ADGRL3: variants seen among roughly 807,000 people sequenced by gnomAD.
ADGRL3 encodes the protein adhesion G protein-coupled receptor L3.
A neutral mutation model predicts 153.5 loss-of-function variants in ADGRL3; 62 were observed. That is an observed-to-expected ratio of 0.40 (90% CI 0.33 to 0.50). ADGRL3 has a LOEUF of 0.50. Among genes scored for constraint, ADGRL3 ranks in the 20% least tolerant of loss-of-function variants. ADGRL3 has a pLI of 0.47. For missense variants in ADGRL3, 1,641 were observed against 1,859.4 expected, an observed-to-expected ratio of 0.88 and a Z score of 2.16; for synonymous variants, 710 against 672.5, an observed-to-expected ratio of 1.06 and a Z score of -0.86.
chr4:61,214,446 G>C (rs1184132169), intron 1 of ADGRL3, among the ~76,000 whole-genome samples: 1 of 152,146 alleles, frequency 6.6e-6, no homozygotes, highest in African/African-American at 2.4e-5. Context: ...TGGTGGTTTG[G>C]ATTATTGTTC....
At chr4:61,277,859 T>C (rs1171151551) in intron 1 of ADGRL3, among the ~76,000 whole-genome samples, 1 of 152,198 alleles carries the variant, frequency 6.6e-6, no homozygotes, top group African/African-American at 2.4e-5. Flanking sequence ...ATATTAGACC[T>C]AGCAATGTAA....
chr4:62,062,221 T>G (rs2151868960), intron 25 of ADGRL3, among the ~76,000 whole-genome samples: 1 of 152,194 alleles, frequency 6.6e-6, no homozygotes, highest in Non-Finnish European at 1.5e-5. Context: ...TTCATAAGAT[T>G]ATTTGCCACT....
At chr4:62,048,068 C>T (rs1292567684) in intron 25 of ADGRL3, among the ~76,000 whole-genome samples, 2 of 152,016 alleles carry the variant, frequency 1.3e-5, no homozygotes, top group African/African-American at 4.8e-5. Context: ...GTGTAGTCAG[C>T]ACTCAATCCT....
rs895140158 is a variant in ADGRL3, at chr4:61,789,496, G to A, written c.1400-24313G>A. Among the ~76,000 whole-genome samples, 7 of 152,078 alleles carry A rather than the reference G, an allele frequency of 4.6e-5. No individual in the cohort carries two copies. In the South Asian group the frequency reaches 1.2e-3, roughly 27 times the overall value. ...ATATATTGGCAATTATATGCAAGAAGCTTATTTTTAAGATTTACTTTTTCT... is the reference window on the plus strand; with the variant it reads ...ATATATTGGCAATTATATGCAAGAAACTTATTTTTAAGATTTACTTTTTCT... On this transcript the variant is annotated intron_variant, in intron 8 of 26. Coordinates refer to ENST00000683033, the MANE Select transcript of ADGRL3 (RefSeq NM_001387552.1).
chr4:61,754,969 A>G (rs932072504), intron 8 of ADGRL3, among the ~76,000 whole-genome samples: 4 of 152,164 alleles, frequency 2.6e-5, no homozygotes, highest in Admixed American at 2.0e-4. Context: ...TTATGGCTGC[A>G]TAGTATTCCA....
chr4:61,548,367 C>A (rs1011466616), intron 4 of ADGRL3, among the ~76,000 whole-genome samples: 1 of 151,922 alleles, frequency 6.6e-6, no homozygotes, highest in South Asian at 2.1e-4. Context: ...GGCCTGTGTC[C>A]GCAATGATAT....
chr4:61,851,050 TTTGAATTAA>T (rs1317314035), intron 9 of ADGRL3, among the ~76,000 whole-genome samples: 8 of 152,004 alleles, frequency 5.3e-5, no homozygotes, highest in African/African-American at 1.9e-4. Flanking sequence ...CCTGCTGAAA[TTTGAATTAA>T]TTGCCTCATA....
chr4:61,213,780 T>C (rs542633665), intron 1 of ADGRL3, among the ~76,000 whole-genome samples: 1 of 152,308 alleles, frequency 6.6e-6, no homozygotes, highest in African/African-American at 2.4e-5. Flanking sequence ...CTTATTCATG[T>C]GGGTTGTCAT....
intron 6 of ADGRL3, among the ~76,000 whole-genome samples, chr4:61,710,238 G>T (rs1429256969): frequency 6.6e-6 from 1 of 152,108 alleles, no homozygotes; most frequent in Admixed American, 6.6e-5. Context: ...ATTTGTAAAA[G>T]AAATATTATT....
intron 1 of ADGRL3, among the ~76,000 whole-genome samples, chr4:61,269,123 A>T (rs2093015414): frequency 6.6e-6 from 1 of 151,610 alleles, no homozygotes; most frequent in South Asian, 2.1e-4. Context: ...CTGATAAGAG[A>T]CTCTGCAGTA....
At chr4:61,733,988 A>G (rs184610938) in intron 8 of ADGRL3, among the ~76,000 whole-genome samples, 1 of 152,332 alleles carries the variant, frequency 6.6e-6, no homozygotes, top group East Asian at 1.9e-4. Flanking sequence ...CAATGTAGTC[A>G]TCTCACAGAG....
At chr4:61,677,796 T>G (rs1441380869) in intron 6 of ADGRL3, among the ~76,000 whole-genome samples, 1 of 152,030 alleles carries the variant, frequency 6.6e-6, no homozygotes, top group Non-Finnish European at 1.5e-5. Flanking sequence ...TCAGCAAGTT[T>G]GCGTTTGTAA....
At chr4:61,921,231 A>G (rs1321576110) in intron 13 of ADGRL3, among the ~76,000 whole-genome samples, 1 of 152,112 alleles carries the variant, frequency 6.6e-6, no homozygotes, top group Non-Finnish European at 1.5e-5. Context: ...GACACATGGT[A>G]TAAAATTCAA....
chr4:61,702,261 A>G (rs1005480652), intron 6 of ADGRL3, among the ~76,000 whole-genome samples: 9 of 152,174 alleles, frequency 5.9e-5, no homozygotes, highest in African/African-American at 1.7e-4. Context: ...TGCTCTCAAA[A>G]TAAGCTACTC....
rs563782424 is a variant in ADGRL3, at chr4:61,814,192, CT to C, written c.1480+309del. ...TTAGAAATTACCAGATAACCGTTAA[CT>C]TTTTTACTGGGACCTTCTTTTTCTA... On this transcript the variant is annotated intron_variant, in intron 9 of 26. Transcript: ENST00000683033. 1.0e-3 allele frequency among the ~76,000 whole-genome samples: 153 copies of C among 151,026 alleles called. 2 individuals are homozygous for C. The Middle Eastern group carries it at 0.01, about 10-fold the overall frequency.
At chr4:61,865,356 G>T (rs2098390063) in intron 9 of ADGRL3, among the ~76,000 whole-genome samples, 1 of 151,954 alleles carries the variant, frequency 6.6e-6, no homozygotes, top group Non-Finnish European at 1.5e-5. Flanking sequence ...GTGTCATCTG[G>T]GCAGGATTTT....
At chr4:61,914,447 A>G (rs972325851) in intron 13 of ADGRL3, among the ~76,000 whole-genome samples, 2 of 152,064 alleles carry the variant, frequency 1.3e-5, no homozygotes, top group African/African-American at 4.8e-5. Flanking sequence ...AAACAGAAAA[A>G]CTTGTATTTT....
At chr4:61,745,831 A>C (rs2096651045) in intron 8 of ADGRL3, among the ~76,000 whole-genome samples, 1 of 152,192 alleles carries the variant, frequency 6.6e-6, no homozygotes, top group Non-Finnish European at 1.5e-5. Flanking sequence ...CTAACATCAT[A>C]ATGACAGGAT....
At chr4:61,739,716 C>T (rs1349801900) in intron 8 of ADGRL3, among the ~76,000 whole-genome samples, 1 of 152,146 alleles carries the variant, frequency 6.6e-6, no homozygotes, top group Non-Finnish European at 1.5e-5. Flanking sequence ...TAGTAAGTCA[C>T]TCCCCCCACC....
Sources: allele counts gnomAD v4.1 joint callset (sites outside exome capture counted in the v4.1 genomes callset), GRCh38; gene constraint gnomAD v4.1.1; transcripts MANE v1.5; gene names NCBI Gene and HGNC (gene_info 2026-07-23, HGNC 2026-07-21).